BDP1: variants seen among roughly 807,000 people sequenced by gnomAD.
BDP1 encodes the protein transcription factor TFIIIB component B'' homolog.
BDP1 carries 169 observed loss-of-function variants against 266.6 expected under a neutral mutation model. The observed-to-expected ratio is 0.63, with a 90% CI of 0.56 to 0.72. The LOEUF (loss-of-function observed/expected upper bound fraction) is 0.72, where lower values mean the gene tolerates loss of function less well. Ranked by LOEUF, BDP1 falls within the 30% of genes least tolerant of loss-of-function variation. The pLI, the probability that BDP1 is intolerant of heterozygous loss-of-function variation, is 0.00. For missense variants in BDP1, 3,015 were observed against 3,053.8 expected (o/e 0.99, Z 0.30); for synonymous variants, 1,090 against 1,022.4 (o/e 1.07, Z -1.26).
chr5:71,476,780 T>C (rs1004328514), intron 7 of BDP1, among the ~76,000 whole-genome samples: 5 of 152,176 alleles, frequency 3.3e-5, no homozygotes, highest in African/African-American at 1.2e-4. Context: ...CTAGGCTCAC[T>C]GCAAGCTCCG....
chr5:71,534,367 C>T (rs956087961), intron 26 of BDP1, among the ~76,000 whole-genome samples: 2 of 152,180 alleles, frequency 1.3e-5, no homozygotes, highest in African/African-American at 4.8e-5. Flanking sequence ...ATAGTCTTGG[C>T]ACCCTTATCA....
At chr5:71,542,376 T>C (rs1375012966) in intron 30 of BDP1, 111 bp downstream of exon 30, 2 of 1,009,052 alleles carry the variant, frequency 2.0e-6, no homozygotes, top group South Asian at 1.7e-5. Context: ...AATAAAATAG[T>C]TTCAAATTAA....
At chr5:71,502,570 A>G in intron 14 of BDP1, 29 bp from the exon 15 acceptor site, 10 of 1,549,234 alleles carry the variant, frequency 6.5e-6, no homozygotes, top group Non-Finnish European at 8.7e-6. Context: ...TTCAAAATAA[A>G]CATTAATTTT....
intron 35 of BDP1, among the ~76,000 whole-genome samples, chr5:71,556,339 CAT>C (rs1743212376): frequency 3.3e-5 from 5 of 151,884 alleles, no homozygotes; most frequent in Admixed American, 3.3e-4. Flanking sequence ...AAATAGTGCA[CAT>C]CTTTTTTTTT....
At position 71,511,661 on chromosome 5, in the gene BDP1, A is replaced by G. The variant is rs115537186; in HGVS notation, c.4059+510A>G. 1.0e-2 allele frequency among the ~76,000 whole-genome samples: 1,517 copies of G among 152,154 alleles called. 29 individuals are homozygous for G. The highest frequency in any genetic ancestry group is 0.034 in the African/African-American group (1,428 of 41,522). The stretch of plus-strand genomic sequence containing the variant: ...GACCCTGTCTCAAAAAGAAATAAAA[A>G]TAATTTCCAACTGTGAAAAAGTCAC... On this transcript the variant is annotated intron_variant, in intron 17 of 38. Coordinates refer to ENST00000358731, the MANE Select transcript of BDP1 (RefSeq NM_018429.3).
rs771568115 is a variant in BDP1, at chr5:71,539,604, G to A, written c.5977G>A (p.Gly1993Arg). ...TEAAITLLTM[G>R]DLVLQSEISS... ...AGCTGCAATAACTTTACTTACAATG[G>A]GAGATCTAGTATTGCAGTCAGAGAT... Residue 1993 changes from glycine (G) to arginine (R), a missense_variant, in exon 28 of 39, where the codon GGA becomes AGA. This residue lies in a region of BDP1 where 2,383 missense variants were observed against 2,404.9 expected (regional missense o/e 0.99). Coordinates refer to ENST00000358731, the MANE Select transcript of BDP1 (RefSeq NM_018429.3). 4.3e-6 allele frequency: 7 copies of A among 1,611,638 alleles called. No homozygotes were observed. In the South Asian group the frequency reaches 6.6e-5, roughly 15 times the overall value.
chr5:71,523,809 T>G, intron 24 of BDP1, 130 bp from the exon 25 acceptor site: 1 of 907,760 alleles, frequency 1.1e-6, no homozygotes, highest in East Asian at 2.5e-5. Flanking sequence ...AGCATAAGAT[T>G]TTAAAAGAAT....
At chr5:71,525,153 A>G (rs1352093078) in intron 25 of BDP1, among the ~76,000 whole-genome samples, 1 of 152,070 alleles carries the variant, frequency 6.6e-6, no homozygotes, top group South Asian at 2.1e-4. Flanking sequence ...TGTTGAGTAC[A>G]CCTCGCAGAC....
At chr5:71,505,317 C>G (rs1239302109) in intron 16 of BDP1, among the ~76,000 whole-genome samples, 1 of 152,042 alleles carries the variant, frequency 6.6e-6, no homozygotes, top group Non-Finnish European at 1.5e-5. Flanking sequence ...AGCTTTATCA[C>G]TTAACATGCA....
At chr5:71,559,848 C>G in intron 36 of BDP1, 134 bp from the exon 37 acceptor site, 2 of 824,752 alleles carry the variant, frequency 2.4e-6, no homozygotes, top group Non-Finnish European at 3.8e-6. Flanking sequence ...AGTAACTCCA[C>G]TAATGATAAT....
Position 71,479,737 on chromosome 5 carries a change from G to A in BDP1, c.1015-4105G>A, listed in dbSNP as rs867213486. ...AATTTTTTGTATTTTTAGTAGAGAC[G>A]GGGTTTCACTGTGTTAGCCAGGATG... On this transcript the variant is annotated intron_variant, in intron 7 of 38. Coordinates refer to ENST00000358731, the MANE Select transcript of BDP1 (RefSeq NM_018429.3). Among the ~76,000 whole-genome samples the A allele has an allele frequency of 5.3e-5, 8 of 151,266 alleles. 1 individual carries two copies. The highest frequency in any genetic ancestry group is 6.6e-5 in the Admixed American group (1 of 15,150).
chr5:71,457,514 C>T lies in BDP1; in HGVS notation c.213-1065C>T, dbSNP rs553525093. Among the ~76,000 whole-genome samples the T allele has an allele frequency of 9.5e-4, 145 of 152,062 alleles. 2 individuals carry two copies. Among genetic ancestry groups the T allele is most frequent in the African/African-American group, 2.9e-3 (120 of 41,488 alleles). Reference sequence around the variant, plus strand: ...TATTTTCAGTAGAGACAGGGTTTCACCATGTTGGCCAGGCTGGACTCGAAC... The same window carrying T: ...TATTTTCAGTAGAGACAGGGTTTCATCATGTTGGCCAGGCTGGACTCGAAC... On this transcript the variant is annotated intron_variant, in intron 1 of 38. Transcript: ENST00000358731.
chr5:71,545,309 C>T (rs1002458664), intron 32 of BDP1, 90 bp downstream of exon 32: 2 of 1,142,866 alleles, frequency 1.7e-6, no homozygotes, highest in Non-Finnish European at 2.5e-6. Context: ...ATAAACTTCA[C>T]CTCTTTTATC....
chr5:71,565,305 G>C lies in BDP1; in HGVS notation c.*420G>C, dbSNP rs1418303252. ...TGAAGATTTTTTATTTTTAGGGGGA[G>C]ATGATGAAGGATGAAGGCTTTTTCA... On this transcript the variant is annotated 3_prime_UTR_variant, in exon 39 of 39. Coordinates refer to ENST00000358731, the MANE Select transcript of BDP1 (RefSeq NM_018429.3). The C allele has an allele frequency of 6.4e-6, 1 of 155,246 alleles. No homozygotes were observed. Among genetic ancestry groups the C allele is most frequent in the African/African-American group, 2.4e-5 (1 of 41,474 alleles). The allele number at this position is 155,246 out of a possible 1,614,324, so 9.6% of individuals were successfully genotyped here. A position where few individuals can be genotyped will look rare whatever the true frequency, so the allele number is the denominator to read the frequency against.
rs374853085 is a variant in BDP1 at position 71,520,267 on chromosome 5, T to C, written c.4992-2022T>C. Among the ~76,000 whole-genome samples the C allele has an allele frequency of 7.2e-5, 11 of 152,310 alleles. No homozygotes were observed. The East Asian group carries it at 1.7e-3, about 24-fold the overall frequency. On this transcript the variant is annotated intron_variant, in intron 22 of 38. Coordinates refer to ENST00000358731, the MANE Select transcript of BDP1 (RefSeq NM_018429.3). ...CATTCTGTAGGTTGTCTCTTCACTT[T>C]GTTGATTGTTCCCTGTGCTATGCAT... is the stretch of plus-strand genomic sequence containing the variant.
At chr5:71,462,504 A>G (rs1226390834) in intron 3 of BDP1, among the ~76,000 whole-genome samples, 2 of 152,176 alleles carry the variant, frequency 1.3e-5, no homozygotes, top group African/African-American at 4.8e-5. Context: ...CTGTAATCCC[A>G]GCACTTTAGG....
chr5:71,502,285 C>T (rs1764299352), intron 14 of BDP1, among the ~76,000 whole-genome samples: 2 of 148,860 alleles, frequency 1.3e-5, no homozygotes, highest in South Asian at 4.2e-4. Context: ...AGCGATTCTT[C>T]TGCCTCAGCC....
chr5:71,497,397 A>G lies in BDP1; in HGVS notation c.1927A>G (p.Asn643Asp), dbSNP rs973344011. Residue 643 changes from asparagine to aspartate, a missense_variant, in exon 13 of 39, where the codon AAT (asparagine) becomes GAT (aspartate). Physicochemically the swap from Asn to Asp is conservative, Grantham distance 23. Around this residue, in one of 3 missense-constraint regions of BDP1, gnomAD observed 2,383 missense variants for 2,404.9 expected, o/e 0.99. Transcript: ENST00000358731. ...SQGKTESESK[N>D]SHSKTSVEKN... ...AGGCAAAACAGAGTCAGAGAGCAAG[A>G]ATTCACATTCAAAAACTTCAGTTGA... 6.2e-7 allele frequency: 1 copy of G among 1,613,308 alleles called. No individual in the cohort carries two copies. The highest frequency in any genetic ancestry group is 8.5e-7 in the Non-Finnish European group (1 of 1,179,732).
chr5:71,517,229 A>AT, intron 21 of BDP1, 93 bp from the exon 22 acceptor site: 1 of 1,092,480 alleles, frequency 9.2e-7, no homozygotes, highest in Non-Finnish European at 1.3e-6. Flanking sequence ...AAGAAAAGGG[A>AT]TTTTAAAAAA....
Sources: gnomAD v4.1 joint callset for allele counts (sites outside exome capture counted in the v4.1 genomes callset) on GRCh38, gnomAD v4.1.1 for gene constraint, gnomAD v4.1.1 regional missense constraint, MANE v1.5 for transcripts, NCBI Gene and HGNC (gene_info 2026-07-23, HGNC 2026-07-21) for gene names.